Variants in PCDHGB3 observed in about 807,000 individuals in gnomAD.
PCDHGB3 encodes the protein protocadherin gamma subfamily B, 3.
PCDHGB3 carries 40 observed loss-of-function variants against 59.2 expected under a neutral mutation model. The ratio of observed to expected loss-of-function variants is 0.68; its 90% CI spans 0.52 to 0.88. The LOEUF (loss-of-function observed/expected upper bound fraction) is 0.88, where lower values mean the gene tolerates loss of function less well. PCDHGB3 is among the 40% of genes least tolerant of loss of function. PCDHGB3 has a pLI of 0.00. For missense variants in PCDHGB3, 1,309 were observed against 1,187.9 expected (o/e 1.10, Z -1.50); for synonymous variants, 581 against 503.6 (o/e 1.15, Z -2.06).
At chr5:141,402,162 A>T (rs2150923142) in intron 1 of PCDHGB3, among the ~76,000 whole-genome samples, 1 of 152,306 alleles carries the variant, frequency 6.6e-6, no homozygotes, top group East Asian at 1.9e-4. Context: ...TTAGGCGAGA[A>T]CATCTGTAAC....
intron 1 of PCDHGB3, among the ~76,000 whole-genome samples, chr5:141,460,995 A>G (rs566978077): frequency 1.1e-4 from 17 of 150,188 alleles, no homozygotes; most frequent in South Asian, 2.1e-4. Flanking sequence ...ATATATATAT[A>G]TGTGTATATA....
intron 1 of PCDHGB3, among the ~76,000 whole-genome samples, chr5:141,456,379 C>A (rs181915740): frequency 1.3e-5 from 2 of 152,162 alleles, no homozygotes; most frequent in East Asian, 3.9e-4. Context: ...GTTTACAGCA[C>A]CGTTTGGAGT....
intron 1 of PCDHGB3, among the ~76,000 whole-genome samples, chr5:141,466,358 A>G (rs1210013683): frequency 6.6e-6 from 1 of 152,066 alleles, no homozygotes; most frequent in Admixed American, 6.5e-5. Flanking sequence ...GCTAATCTAG[A>G]TGTAATGGTT....
chr5:141,503,307 G>T (rs1042228003), intron 2 of PCDHGB3, among the ~76,000 whole-genome samples: 5 of 152,096 alleles, frequency 3.3e-5, no homozygotes, highest in African/African-American at 1.2e-4. Context: ...GCTCAAGAAA[G>T]AATTGTTGGA....
intron 1 of PCDHGB3, chr5:141,421,352 AGG>A: frequency 6.2e-7 from 1 of 1,613,946 alleles, no homozygotes; most frequent in Non-Finnish European, 8.5e-7. Context: ...GAGACCGAAA[AGG>A]GCTCCTTCGT....
Position 141,501,290 on chromosome 5 carries a change from TACACACAC to T in PCDHGB3, c.2475-4066_2475-4059del, listed in dbSNP as rs55762287. 3.7e-3 allele frequency among the ~76,000 whole-genome samples: 499 copies of T among 136,222 alleles called. 2 individuals carry two copies. Among genetic ancestry groups the T allele is most frequent in the Middle Eastern group, 0.033 (9 of 270 alleles). 89.4% of individuals were successfully genotyped at this position (136,222 alleles called of 152,430 possible). On this transcript the variant is annotated intron_variant, in intron 2 of 3. Transcript: ENST00000576222. ...GTCCAGTCTATGGGATATTCCCTTA[TACACACAC>T]ACACACACACACACACACACACACA... is the stretch of plus-strand genomic sequence containing the variant.
At chr5:141,469,306 A>G in intron 1 of PCDHGB3, among the ~76,000 whole-genome samples, 1 of 150,500 alleles carries the variant, frequency 6.6e-6, no homozygotes, top group South Asian at 2.1e-4. Flanking sequence ...ACTGGGCACG[A>G]TGGCTCACGC....
At chr5:141,466,324 C>A (rs2154569179) in intron 1 of PCDHGB3, among the ~76,000 whole-genome samples, 1 of 152,218 alleles carries the variant, frequency 6.6e-6, no homozygotes, top group East Asian at 1.9e-4. Context: ...GCACATGCTA[C>A]CATGCCTGGA....
intron 1 of PCDHGB3, among the ~76,000 whole-genome samples, chr5:141,437,556 T>C (rs1427506223): frequency 6.6e-6 from 1 of 152,228 alleles, no homozygotes; most frequent in African/African-American, 2.4e-5. Context: ...CTTTATGACA[T>C]GTAACAGAGT....
chr5:141,390,965 A>G (rs2092279401), intron 1 of PCDHGB3: 1 of 152,252 alleles, frequency 6.6e-6, no homozygotes, highest in Admixed American at 6.5e-5. Context: ...TACTTGTAAC[A>G]TAGGAGTTTC....
At chr5:141,475,829 G>A (rs1408248560) in intron 1 of PCDHGB3, 5 of 386,748 alleles carry the variant, frequency 1.3e-5, no homozygotes, top group Non-Finnish European at 2.3e-5. Flanking sequence ...GCGCTAGCGC[G>A]TGTCCTGCTC....
At chr5:141,392,730 C>T (rs1374381872) in intron 1 of PCDHGB3, 10 of 1,409,212 alleles carry the variant, frequency 7.1e-6, no homozygotes, top group Non-Finnish European at 8.4e-6. Context: ...GGAGGATTGT[C>T]ATCTCCATAG....
intron 1 of PCDHGB3, chr5:141,394,825 T>G: frequency 6.2e-7 from 1 of 1,613,802 alleles, no homozygotes; most frequent in Non-Finnish European, 8.5e-7. Flanking sequence ...ATCCCCGAAG[T>G]CCTGACCGAG....
intron 3 of PCDHGB3, among the ~76,000 whole-genome samples, chr5:141,507,673 G>A (rs184362608): frequency 6.6e-5 from 10 of 152,368 alleles, no homozygotes; most frequent in Admixed American, 2.6e-4. Context: ...AAATCCAGAT[G>A]TTAAAAACAG....
chr5:141,403,595 T>G (rs2094430008), intron 1 of PCDHGB3: 1 of 1,613,824 alleles, frequency 6.2e-7, no homozygotes, highest in East Asian at 2.2e-5. Flanking sequence ...CCTCACGGCC[T>G]CGGATGGCGG....
intron 2 of PCDHGB3, 142 bp downstream of exon 2, chr5:141,495,007 G>C (rs2099758216): frequency 2.0e-6 from 3 of 1,522,276 alleles, no homozygotes; most frequent in Non-Finnish European, 8.8e-7. Flanking sequence ...TTGGTGTGCG[G>C]GGGGCTGGCA....
rs151037104 is a variant in PCDHGB3, at chr5:141,393,242, C to G, written c.2415+20433C>G. 3 of 1,613,778 alleles carry G rather than the reference C, an allele frequency of 1.9e-6. 1 individual carries two copies. The East Asian group carries it at 6.7e-5, about 36-fold the overall frequency. ...TCGAAGATCTAGAAGTAAAAATTAA[C>G]GAAATCGCGGTTCCTGGAGCACGTT... On this transcript the variant is annotated intron_variant, in intron 1 of 3. Coordinates refer to ENST00000576222, the MANE Select transcript of PCDHGB3 (RefSeq NM_018924.5).
intron 1 of PCDHGB3, chr5:141,384,297 C>A (rs753406812): frequency 1.2e-6 from 2 of 1,613,848 alleles, no homozygotes; most frequent in South Asian, 2.2e-5. Context: ...AGAACAACCC[C>A]AGAGGGGCCT....
Position 141,432,602 on chromosome 5 carries a change from G to A in PCDHGB3, c.2415+59793G>A. The A allele has an allele frequency of 6.2e-7, 1 of 1,613,966 alleles. No homozygotes were observed. Among genetic ancestry groups the A allele is most frequent in the Non-Finnish European group, 8.5e-7 (1 of 1,179,972 alleles). On this transcript the variant is annotated intron_variant, in intron 1 of 3. Transcript: ENST00000576222. This position sits in a 1 kb window ranked among gnomAD's most constrained non-coding sequence, Gnocchi z 6.0. ...CCGTCTGCTCAAGGCCAGCGAGCCG[G>A]GACTCTTCTCGGTGGGTCTGCACAC...
Sources: gnomAD v4.1 joint callset for allele counts (sites outside exome capture counted in the v4.1 genomes callset) on GRCh38, gnomAD v4.1.1 for gene constraint, Gnocchi (gnomAD v3.1) non-coding constraint, MANE v1.5 for transcripts, NCBI Gene and HGNC (gene_info 2026-07-23, HGNC 2026-07-21) for gene names.